ANTXR1: variants seen among roughly 807,000 people sequenced by gnomAD.
The protein encoded by ANTXR1 is anthrax toxin receptor 1.
In ANTXR1, 19 loss-of-function variants were observed where a neutral mutation model predicts 78.1. That is an observed-to-expected ratio of 0.24 (90% CI 0.17 to 0.36). The LOEUF is 0.36. ANTXR1 is among the 10% of genes least tolerant of loss of function. ANTXR1 has a pLI of 1.00. For synonymous variants in ANTXR1, 273 were observed against 260.5 expected (o/e 1.05, Z -0.46); for missense variants, 518 against 718.6 (o/e 0.72, Z 3.19).
At chr2:69,081,662 C>A (rs1670905171) in intron 8 of ANTXR1, among the ~76,000 whole-genome samples, 1 of 152,190 alleles carries the variant, frequency 6.6e-6, no homozygotes, top group Admixed American at 6.5e-5. Context: ...GATGAAGAAA[C>A]TGAAGCTCAG....
intron 17 of ANTXR1, among the ~76,000 whole-genome samples, chr2:69,219,815 G>A (rs1283875609): frequency 1.3e-5 from 2 of 152,126 alleles, no homozygotes; most frequent in African/African-American, 2.4e-5. Context: ...CAGCTTGTCC[G>A]AAACCTCTTG....
chr2:69,246,263 T>TGTGGTA lies in ANTXR1; in HGVS notation c.*779_*780insTGGTAG. 1 of 152,354 alleles carries TGTGGTA rather than the reference T, an allele frequency of 6.6e-6. No individual in the cohort carries two copies. The allele number at this position is 152,354 out of a possible 1,614,324, so 9.4% of individuals were successfully genotyped here. A position where few individuals can be genotyped will look rare whatever the true frequency, so the allele number is the denominator to read the frequency against. On this transcript the variant is annotated 3_prime_UTR_variant, in exon 18 of 18. Transcript: ENST00000303714. ...CAGGCCATCAGCAGCTAGAGGTGGCTGGCTTTGGCCAGACATGGACCCTAA... is the reference window on the plus strand; with the variant it reads ...CAGGCCATCAGCAGCTAGAGGTGGCTGTGGTAGGCTTTGGCCAGACATGGACCCTAA...
intron 12 of ANTXR1, chr2:69,145,956 C>T (rs1216005337): frequency 8.1e-6 from 8 of 985,404 alleles, no homozygotes; most frequent in African/African-American, 1.7e-5. Context: ...CCTTTGAGAA[C>T]AGTGCCTTCT....
At chr2:69,077,944 G>T (rs1487787261) in intron 8 of ANTXR1, among the ~76,000 whole-genome samples, 1 of 152,196 alleles carries the variant, frequency 6.6e-6, no homozygotes, top group Admixed American at 6.5e-5. Context: ...TGCTGCCTAG[G>T]CATCTGGTCT....
At position 69,123,710 on chromosome 2, in the gene ANTXR1, A is replaced by G. The variant is rs183732508; in HGVS notation, c.872+624A>G. ...TCATGGTGATGCAATTATAATAAGCACTAGTGAGATGAGATCAAAACCATC... is the reference window on the plus strand; with the variant it reads ...TCATGGTGATGCAATTATAATAAGCGCTAGTGAGATGAGATCAAAACCATC... On this transcript the variant is annotated intron_variant, in intron 11 of 17. Transcript: ENST00000303714. Among the ~76,000 whole-genome samples, 216 of 152,374 alleles carry G rather than the reference A, an allele frequency of 1.4e-3. 2 individuals carry two copies. Among genetic ancestry groups the G allele is most frequent in the African/African-American group, 5.0e-3 (209 of 41,598 alleles).
chr2:69,118,763 T>C (rs1391840109), intron 10 of ANTXR1, among the ~76,000 whole-genome samples: 1 of 152,204 alleles, frequency 6.6e-6, no homozygotes, highest in South Asian at 2.1e-4. Context: ...AAGGAAGGCT[T>C]TGTGCCCTGC....
intron 17 of ANTXR1, among the ~76,000 whole-genome samples, chr2:69,229,415 T>C (rs909818429): frequency 1.3e-5 from 2 of 152,136 alleles, no homozygotes; most frequent in African/African-American, 2.4e-5. Context: ...CGGGATGATA[T>C]CAGCGCTGTG....
chr2:69,031,881 G>C (rs1316963011), intron 1 of ANTXR1, among the ~76,000 whole-genome samples: 1 of 152,158 alleles, frequency 6.6e-6, no homozygotes, highest in African/African-American at 2.4e-5. Flanking sequence ...TGGAAAAACA[G>C]AATCCCCCAC....
At chr2:69,145,368 A>G (rs1468521177) in intron 12 of ANTXR1, 2 of 1,598,930 alleles carry the variant, frequency 1.3e-6, no homozygotes, top group Non-Finnish European at 8.5e-7. Context: ...AGCTGCTTGC[A>G]TGGAATAGCA....
chr2:69,215,332 A>C (rs952673493), intron 17 of ANTXR1, among the ~76,000 whole-genome samples: 1 of 152,208 alleles, frequency 6.6e-6, no homozygotes, highest in Non-Finnish European at 1.5e-5. Context: ...GGCCCCTTTT[A>C]TAGCCTTCAT....
At chr2:69,236,554 ACT>A (rs1675768434) in intron 17 of ANTXR1, among the ~76,000 whole-genome samples, 1 of 152,236 alleles carries the variant, frequency 6.6e-6, no homozygotes, top group African/African-American at 2.4e-5. Flanking sequence ...AATGAATATC[ACT>A]TTTTCTAGAA....
At chr2:69,165,350 A>G (rs1330847943) in intron 13 of ANTXR1, among the ~76,000 whole-genome samples, 1 of 152,242 alleles carries the variant, frequency 6.6e-6, no homozygotes, top group African/African-American at 2.4e-5. Context: ...CCCTGCATTC[A>G]GCTCATGCAA....
intron 15 of ANTXR1, 95 bp downstream of exon 15, chr2:69,181,976 G>A (rs887228681): frequency 1.4e-5 from 17 of 1,224,754 alleles, no homozygotes; most frequent in Middle Eastern, 4.0e-4. Context: ...TAGATATCAG[G>A]CATGCCCAGG....
chr2:69,017,169 A>G (rs1446711824), intron 1 of ANTXR1, among the ~76,000 whole-genome samples: 1 of 152,210 alleles, frequency 6.6e-6, no homozygotes, highest in Non-Finnish European at 1.5e-5. Context: ...TGATGAGTCC[A>G]GAGCTAGGGG....
intron 2 of ANTXR1, among the ~76,000 whole-genome samples, chr2:69,040,790 T>G (rs1001050185): frequency 6.6e-6 from 1 of 152,102 alleles, no homozygotes; most frequent in East Asian, 1.9e-4. Flanking sequence ...TTTCATAGAG[T>G]GCTTGAAGCA....
chr2:69,114,454 G>C (rs2104351565), intron 10 of ANTXR1, among the ~76,000 whole-genome samples: 1 of 152,300 alleles, frequency 6.6e-6, no homozygotes, highest in East Asian at 1.9e-4. Context: ...TAGACCCTGG[G>C]CCTGCACTCC....
chr2:69,236,320 G>A (rs1490302262), intron 17 of ANTXR1, among the ~76,000 whole-genome samples: 3 of 152,216 alleles, frequency 2.0e-5, no homozygotes, highest in East Asian at 1.9e-4. Context: ...ATATATATGT[G>A]TGTATGTGTG....
intron 3 of ANTXR1, among the ~76,000 whole-genome samples, chr2:69,061,384 C>G (rs1212584824): frequency 1.3e-5 from 2 of 151,766 alleles, no homozygotes; most frequent in Non-Finnish European, 2.9e-5. Context: ...CAATTTCAGA[C>G]TTAAAATCTA....
intron 1 of ANTXR1, among the ~76,000 whole-genome samples, chr2:69,021,799 T>C (rs1671198791): frequency 6.6e-6 from 1 of 152,142 alleles, no homozygotes; most frequent in African/African-American, 2.4e-5. Flanking sequence ...AAGTAGCCAT[T>C]GAGAGAGAAT....
Sources: gnomAD v4.1 joint callset for allele counts (sites outside exome capture counted in the v4.1 genomes callset) on GRCh38, gnomAD v4.1.1 for gene constraint, MANE v1.5 for transcripts, NCBI Gene and HGNC (gene_info 2026-07-23, HGNC 2026-07-21) for gene names.